The following FARP2 variants were observed in gnomAD, a reference collection of about 807,000 sequenced individuals.
FARP2 encodes FERM, ARHGEF and pleckstrin domain-containing protein 2.
A neutral mutation model predicts 130.5 loss-of-function variants in FARP2; 111 were observed. The observed-to-expected ratio is 0.85, with a 90% CI of 0.73 to 1.00. The LOEUF (loss-of-function observed/expected upper bound fraction) is 1.00. Ranked by LOEUF, FARP2 falls within the 50% of genes least tolerant of loss-of-function variation. The pLI, the probability that FARP2 is intolerant of heterozygous loss-of-function variation, is 0.00. For synonymous variants in FARP2, 504 were observed against 516.9 expected (o/e 0.98, Z 0.34); for missense variants, 1,385 against 1,346.3 (o/e 1.03, Z -0.45).
chr2:241,446,138 A>G (rs1188252871), intron 13 of FARP2: 4 of 152,238 alleles, frequency 2.6e-5, no homozygotes, highest in Non-Finnish European at 5.9e-5. Context: ...TAGCACAGTT[A>G]TATGTTAATA....
intron 6 of FARP2, among the ~76,000 whole-genome samples, chr2:241,411,511 A>G (rs772781971): frequency 4.6e-5 from 7 of 152,206 alleles, no homozygotes; most frequent in Non-Finnish European, 8.8e-5. Context: ...GTCCTCTCAG[A>G]TTAGTAAAGC....
At chr2:241,456,561 CTCATTT>C in intron 13 of FARP2, 180 bp from the exon 14 acceptor site, 1 of 620,868 alleles carries the variant, frequency 1.6e-6, no homozygotes, top group South Asian at 2.0e-5. Context: ...ACCATCAACC[CTCATTT>C]TCATTTTATG....
intron 16 of FARP2, 24 bp downstream of exon 16, chr2:241,463,492 C>G: frequency 6.2e-7 from 1 of 1,608,186 alleles, no homozygotes; most frequent in Non-Finnish European, 8.5e-7. Flanking sequence ...AGCCCCCACA[C>G]GGGAGACTCC....
chr2:241,492,849 TTA>T, intron 24 of FARP2, 78 bp from the exon 25 acceptor site: 1 of 789,584 alleles, frequency 1.3e-6, no homozygotes, highest in East Asian at 2.4e-5. Flanking sequence ...ATGCAGAGGC[TTA>T]GTCTTGGGGA....
chr2:241,412,437 G>A (rs147370853), intron 6 of FARP2, among the ~76,000 whole-genome samples: 190 of 152,258 alleles, frequency 1.2e-3, no homozygotes, highest in Non-Finnish European at 2.1e-3. Context: ...TAACATGTTA[G>A]CAACTCACTC....
intron 7 of FARP2, among the ~76,000 whole-genome samples, chr2:241,415,028 C>T (rs1559748085): frequency 6.6e-6 from 1 of 152,162 alleles, no homozygotes; most frequent in Admixed American, 6.5e-5. Context: ...TTTGTGTAAT[C>T]CTCAAACCCA....
intron 19 of FARP2, among the ~76,000 whole-genome samples, chr2:241,481,683 C>T (rs148656359): frequency 1.5e-4 from 23 of 152,288 alleles, no homozygotes; most frequent in African/African-American, 4.8e-4. Flanking sequence ...CTAGTAACCT[C>T]TGTGCAGGGT....
chr2:241,472,049 T>G (rs1356160327), intron 18 of FARP2, among the ~76,000 whole-genome samples: 2 of 145,190 alleles, frequency 1.4e-5, no homozygotes, highest in South Asian at 2.3e-4. Flanking sequence ...AAGACCCTGT[T>G]TGGAGGGGGA....
intron 19 of FARP2, chr2:241,479,045 A>G (rs2064547880): frequency 1.9e-6 from 1 of 539,368 alleles, no homozygotes; most frequent in Non-Finnish European, 3.4e-6. Context: ...CCAAGATGCA[A>G]TGAACTACCA....
At chr2:241,430,664 T>C (rs2063067795) in intron 8 of FARP2, among the ~76,000 whole-genome samples, 1 of 152,100 alleles carries the variant, frequency 6.6e-6, no homozygotes, top group Admixed American at 6.6e-5. Flanking sequence ...CTTCAAAAAA[T>C]GTATATTAAC....
chr2:241,431,409 A>C (rs2063086438), intron 8 of FARP2, among the ~76,000 whole-genome samples: 1 of 70,476 alleles, frequency 1.4e-5, no homozygotes, highest in African/African-American at 5.7e-5. Flanking sequence ...CAGGAGTTTG[A>C]GGCTGCAGTG....
intron 1 of FARP2, among the ~76,000 whole-genome samples, chr2:241,358,711 G>T (rs2061120103): frequency 1.3e-5 from 2 of 152,174 alleles, no homozygotes; most frequent in African/African-American, 4.8e-5. Context: ...TGTAGTGTTG[G>T]ATACTGAGCT....
At chr2:241,425,059 T>C (rs978273466) in intron 8 of FARP2, among the ~76,000 whole-genome samples, 2 of 151,944 alleles carry the variant, frequency 1.3e-5, no homozygotes, top group Non-Finnish European at 2.9e-5. Context: ...ATATAATAAT[T>C]AGCCAGGCAT....
chr2:241,417,983 G>C lies in FARP2; in HGVS notation c.645G>C (p.Ser215=). Residue 215 remains serine, a synonymous_variant, in exon 8 of 27, where the codon TCG becomes TCC. Transcript: ENST00000264042. ...ACAGGGGCCAGACACCTGCTGAGTC[G>C]GATTTCCAGGTGCTCGAAATTGCTC... The part of the protein sequence containing the change: ...QKHVGQTPAE[S]DFQVLEIARK... 6.2e-7 allele frequency: 1 copy of C among 1,614,146 alleles called. No individual in the cohort carries two copies. Among genetic ancestry groups the C allele is most frequent in the Non-Finnish European group, 8.5e-7 (1 of 1,180,028 alleles).
intron 13 of FARP2, among the ~76,000 whole-genome samples, chr2:241,451,994 A>C (rs11901717): frequency 0.045 from 6,805 of 152,240 alleles, 514 homozygotes; most frequent in African/African-American, 0.15. Context: ...ACCTCATGTG[A>C]TTCACCTGCT....
At chr2:241,420,242 C>T (rs185872925) in intron 8 of FARP2, among the ~76,000 whole-genome samples, 1 of 152,314 alleles carries the variant, frequency 6.6e-6, no homozygotes, top group Non-Finnish European at 1.5e-5. Context: ...AAGGAAGCAG[C>T]TCTTTATGTC....
chr2:241,418,815 C>A (rs1290006583), intron 8 of FARP2, among the ~76,000 whole-genome samples: 1 of 152,178 alleles, frequency 6.6e-6, no homozygotes, highest in Admixed American at 6.5e-5. Context: ...CTTTGCATAT[C>A]TGAAGAAAGC....
chr2:241,460,302 G>C (rs1471410782), intron 14 of FARP2, among the ~76,000 whole-genome samples: 2 of 152,152 alleles, frequency 1.3e-5, no homozygotes, highest in African/African-American at 4.8e-5. Flanking sequence ...TTTTTTTAGA[G>C]ATGGGGTCCG....
intron 24 of FARP2, chr2:241,492,726 GT>G (rs2064970797): frequency 1.8e-6 from 1 of 542,704 alleles, no homozygotes; most frequent in African/African-American, 1.9e-5. Flanking sequence ...ACTTTACTTG[GT>G]GCCTGGAATG....
Sources: gnomAD v4.1 joint callset for allele counts (sites outside exome capture counted in the v4.1 genomes callset) on GRCh38, gnomAD v4.1.1 for gene constraint, MANE v1.5 for transcripts, NCBI Gene and HGNC (gene_info 2026-07-23, HGNC 2026-07-21) for gene names.